Variants in NUP188 observed in about 807,000 individuals in gnomAD.
NUP188 encodes the protein nucleoporin NUP188.
NUP188 carries 97 observed loss-of-function variants against 223.0 expected under a neutral mutation model. The ratio of observed to expected loss-of-function variants is 0.43; its 90% CI spans 0.37 to 0.51. The LOEUF (loss-of-function observed/expected upper bound fraction) is 0.51, where lower values mean the gene tolerates loss of function less well. Among genes scored for constraint, NUP188 ranks in the 20% least tolerant of loss-of-function variants. The pLI, the probability that NUP188 is intolerant of heterozygous loss-of-function variation, is 0.00. For synonymous variants in NUP188, 869 were observed against 828.0 expected (o/e 1.05, Z -0.85); for missense variants, 1,947 against 2,175.6 (o/e 0.89, Z 2.09).
intron 25 of NUP188, among the ~76,000 whole-genome samples, chr9:128,991,292 T>C (rs1305858793): frequency 1.3e-5 from 2 of 151,336 alleles, no homozygotes; most frequent in African/African-American, 2.4e-5. Context: ...GTAATCCCAG[T>C]ACTTTGGGAG....
chr9:128,995,796 C>T (rs1317584923), intron 30 of NUP188, among the ~76,000 whole-genome samples: 1 of 152,188 alleles, frequency 6.6e-6, no homozygotes, highest in African/African-American at 2.4e-5. Flanking sequence ...CTTAGCTGCT[C>T]CCTGGCTGCA....
chr9:128,977,900 C>T (rs1588279529), intron 12 of NUP188, among the ~76,000 whole-genome samples: 1 of 152,276 alleles, frequency 6.6e-6, no homozygotes, highest in East Asian at 1.9e-4. Flanking sequence ...AGTCTACTTC[C>T]TCATACATTA....
intron 8 of NUP188, 126 bp downstream of exon 8, chr9:128,959,260 A>G (rs1209631022): frequency 6.1e-6 from 4 of 650,606 alleles, no homozygotes; most frequent in South Asian, 7.0e-5. Flanking sequence ...GTTTTAAGCA[A>G]TTCTCCTACC....
chr9:128,981,934 G>A (rs1333292540), intron 15 of NUP188, among the ~76,000 whole-genome samples: 2 of 151,806 alleles, frequency 1.3e-5, no homozygotes, highest in Admixed American at 6.6e-5. Flanking sequence ...AAAATTAGTC[G>A]GGCGTGGTGG....
intron 13 of NUP188, 36 bp from the exon 14 acceptor site, chr9:128,980,570 A>T (rs769746482): frequency 1.3e-6 from 2 of 1,581,148 alleles, no homozygotes; most frequent in Non-Finnish European, 1.7e-6. Context: ...TTTGTGGATA[A>T]TGTGAAGATC....
At chr9:128,967,566 G>T (rs958318713) in intron 8 of NUP188, among the ~76,000 whole-genome samples, 1 of 151,934 alleles carries the variant, frequency 6.6e-6, no homozygotes, top group African/African-American at 2.4e-5. Context: ...AAGGTGGGCG[G>T]ATCACCTGAG....
chr9:128,983,219 A>G, intron 17 of NUP188, 74 bp from the exon 18 acceptor site: 1 of 1,432,708 alleles, frequency 7.0e-7, no homozygotes, highest in Non-Finnish European at 9.8e-7. Context: ...GGGAGAGAGA[A>G]GTGGAAAAAT....
chr9:129,006,943 A>G lies in NUP188; in HGVS notation c.*265A>G, dbSNP rs986581726. On this transcript the variant is annotated 3_prime_UTR_variant, in exon 44 of 44. Coordinates refer to ENST00000372577, the MANE Select transcript of NUP188 (RefSeq NM_015354.3). ...CCTAGAGGAACTTTCCTTCCTTTCCAGCATTCCCCACAGCACTGCCGGCCA... is the reference window on the plus strand; with the variant it reads ...CCTAGAGGAACTTTCCTTCCTTTCCGGCATTCCCCACAGCACTGCCGGCCA... The G allele has an allele frequency of 2.8e-5, 11 of 389,080 alleles. No homozygotes were observed. Among genetic ancestry groups the G allele is most frequent in the African/African-American group, 4.2e-5 (2 of 48,174 alleles). The allele number at this position is 389,080 out of a possible 1,614,324, so 24.1% of individuals were successfully genotyped here.
At chr9:128,961,395 C>T (rs1313577419) in intron 8 of NUP188, among the ~76,000 whole-genome samples, 1 of 150,708 alleles carries the variant, frequency 6.6e-6, no homozygotes, top group Non-Finnish European at 1.5e-5. Flanking sequence ...GCCTGTACTC[C>T]CAGCTACTCA....
chr9:128,980,928 G>A (rs1842245336), intron 14 of NUP188, among the ~76,000 whole-genome samples: 1 of 152,090 alleles, frequency 6.6e-6, no homozygotes, highest in African/African-American at 2.4e-5. Flanking sequence ...GATACTGTGG[G>A]ACTAAGACTA....
Position 128,987,092 on chromosome 9 carries a change from T to A in NUP188, c.2264+217T>A, listed in dbSNP as rs113091018. On this transcript the variant is annotated intron_variant, in intron 22 of 43. Coordinates refer to ENST00000372577, the MANE Select transcript of NUP188 (RefSeq NM_015354.3). ...GAGAGAGAGAGAGAGAGAGAGAGTG[T>A]GTGTGTGTGTGTGTGTGTGTGTGTG... Among the ~76,000 whole-genome samples the A allele has an allele frequency of 0.29, 31,855 of 109,996 alleles. 3,788 individuals are homozygous for A. The highest frequency in any genetic ancestry group is 0.37 in the Middle Eastern group (69 of 188). 72.2% of individuals were successfully genotyped at this position (109,996 alleles called of 152,430 possible).
chr9:128,999,742 G>T lies in NUP188; in HGVS notation c.3780G>T (p.Glu1260Asp), dbSNP rs147959429. ...GTCTGGCATTAGGCAGTGCCACAGAGGACAAGGACAGCATGGAGACTGACG... is the reference window on the plus strand; with the variant it reads ...GTCTGGCATTAGGCAGTGCCACAGATGACAAGGACAGCATGGAGACTGACG... Reference protein sequence around the residue: ...RHSLALGSATEDKDSMETDDC... With the variant: ...RHSLALGSATDDKDSMETDDC... The change falls in exon 34 of 44, where the codon GAG (glutamate) becomes GAT (aspartate). Residue 1260 changes from glutamate (E) to aspartate (D), a missense_variant. Transcript: ENST00000372577. The T allele has an allele frequency of 5.5e-3, 8,944 of 1,614,222 alleles. 50 individuals are homozygous for T. The highest frequency in any genetic ancestry group is 0.015 in the South Asian group (1,322 of 91,090).
chr9:128,951,991 C>T (rs867313579), intron 2 of NUP188, among the ~76,000 whole-genome samples: 2 of 152,110 alleles, frequency 1.3e-5, no homozygotes, highest in Non-Finnish European at 2.9e-5. Context: ...CAGGGTTTCT[C>T]CATGTTGGTC....
chr9:128,952,910 A>T, intron 3 of NUP188, 64 bp downstream of exon 3: 1 of 1,261,468 alleles, frequency 7.9e-7, no homozygotes, highest in Non-Finnish European at 1.2e-6. Flanking sequence ...GGATAAAACC[A>T]TCCTTCTATG....
intron 12 of NUP188, among the ~76,000 whole-genome samples, chr9:128,975,671 C>T (rs1415812301): frequency 6.6e-5 from 10 of 151,928 alleles, no homozygotes; most frequent in Admixed American, 2.6e-4. Context: ...AGGTGTACGC[C>T]ACCACGTCTG....
At position 128,973,524 on chromosome 9, in the gene NUP188, A is replaced by G. The variant is rs1184826230; in HGVS notation, c.1203+275A>G. On this transcript the variant is annotated intron_variant, in intron 12 of 43. Coordinates refer to ENST00000372577, the MANE Select transcript of NUP188 (RefSeq NM_015354.3). ...CAGTCTCCTAAGTAGCTGGAATTAC[A>G]GGCGTCCGCCACCTTGCCCAGTTAA... Among the ~76,000 whole-genome samples, 2 of 152,036 alleles carry G rather than the reference A, an allele frequency of 1.3e-5. 1 individual carries two copies. The highest frequency in any genetic ancestry group is 3.9e-4 in the East Asian group (2 of 5,184).
intron 12 of NUP188, among the ~76,000 whole-genome samples, chr9:128,976,523 T>C (rs1043268370): frequency 3.3e-5 from 5 of 152,066 alleles, no homozygotes; most frequent in African/African-American, 1.2e-4. Context: ...ATACAAAAAT[T>C]AGCTGGACAT....
At chr9:128,973,626 G>A (rs1164786240) in intron 12 of NUP188, among the ~76,000 whole-genome samples, 1 of 152,070 alleles carries the variant, frequency 6.6e-6, no homozygotes, top group South Asian at 2.1e-4. Context: ...CAGGCGATCC[G>A]CCTGCCTCGG....
At chr9:128,947,815 G>C in intron 1 of NUP188, 64 bp downstream of exon 1, 1 of 1,320,906 alleles carries the variant, frequency 7.6e-7, no homozygotes, top group Non-Finnish European at 9.7e-7. Flanking sequence ...GAGCGGAAGC[G>C]GGGCGGGAAT....
Sources: allele counts gnomAD v4.1 joint callset (sites outside exome capture counted in the v4.1 genomes callset), GRCh38; gene constraint gnomAD v4.1.1; transcripts MANE v1.5; gene names NCBI Gene and HGNC (gene_info 2026-07-23, HGNC 2026-07-21).